Variants in POTEF observed in about 807,000 individuals in gnomAD.
POTEF encodes the protein ANKRD26-like family C member 1B.
POTEF carries 20 observed loss-of-function variants against 83.2 expected under a neutral mutation model. The ratio of observed to expected loss-of-function variants is 0.24; its 90% CI spans 0.17 to 0.35. The LOEUF (loss-of-function observed/expected upper bound fraction) is 0.35. Ranked by LOEUF, POTEF falls within the 10% of genes least tolerant of loss-of-function variation. The pLI is 1.00. For missense variants in POTEF, 550 were observed against 1,203.2 expected, an observed-to-expected ratio of 0.46 and a Z score of 8.03; for synonymous variants, 196 against 446.4, an observed-to-expected ratio of 0.44 and a Z score of 7.07.
intron 3 of POTEF, among the ~76,000 whole-genome samples, chr2:130,119,256 C>G (rs1471657164): frequency 6.6e-6 from 1 of 151,534 alleles, no homozygotes; most frequent in Admixed American, 6.6e-5. Flanking sequence ...CTCCACCTCC[C>G]GGGTTCACGC....
At chr2:130,127,534 G>C (rs146066954) in intron 2 of POTEF, among the ~76,000 whole-genome samples, 175 bp downstream of exon 2, 1,927 of 149,370 alleles carry the variant, frequency 0.013, 47 homozygotes, top group African/African-American at 0.046. Flanking sequence ...CAGCAGGTTC[G>C]TCCCCACCCC....
chr2:130,121,149 T>C (rs1684994930), intron 2 of POTEF, among the ~76,000 whole-genome samples: 1 of 145,558 alleles, frequency 6.9e-6, no homozygotes, highest in African/African-American at 2.8e-5. Flanking sequence ...GCGGCGTGCT[T>C]ATCTCAGGTG....
chr2:130,105,412 T>G (rs1684496375), intron 8 of POTEF, among the ~76,000 whole-genome samples: 1 of 151,684 alleles, frequency 6.6e-6, no homozygotes, highest in Non-Finnish European at 1.5e-5. Flanking sequence ...CAAGGATGTA[T>G]GACAAGGAAA....
chr2:130,093,273 ATAATAATATAAAG>A (rs1406920010), intron 12 of POTEF, among the ~76,000 whole-genome samples, 152 bp downstream of exon 12: 1 of 93,802 alleles, frequency 1.1e-5, no homozygotes, highest in African/African-American at 4.9e-5. Context: ...TTACAATGTA[ATAATAATATAAAG>A]TAGCACAATA....
intron 8 of POTEF, among the ~76,000 whole-genome samples, chr2:130,105,265 A>T (rs1241235677): frequency 1.3e-5 from 2 of 151,594 alleles, no homozygotes; most frequent in African/African-American, 2.4e-5. Flanking sequence ...TACATAAAAA[A>T]AATTAAGCAA....
At chr2:130,109,724 C>T (rs2104814049) in intron 7 of POTEF, 1 of 151,084 alleles carries the variant, frequency 6.6e-6, no homozygotes, top group South Asian at 2.1e-4. Flanking sequence ...AGACCAACAA[C>T]AGCCTCAAAG....
At position 130,120,162 on chromosome 2, in the gene POTEF, G is replaced by A. The variant is rs747331658; in HGVS notation, c.354C>T (p.Gly118=). 1.5e-5 allele frequency: 24 copies of A among 1,608,938 alleles called. No individual in the cohort carries two copies. Among genetic ancestry groups the A allele is most frequent in the Admixed American group, 8.4e-5 (5 of 59,528 alleles). ...CCRGSSKSKV[G]AWGDYDDSAF... ...CACTGTCATCGTAGTCTCCCCAAGCGCCCACCTTGCTCTTGCTGCTCCCCC... is the reference window on the plus strand; with the variant it reads ...CACTGTCATCGTAGTCTCCCCAAGCACCCACCTTGCTCTTGCTGCTCCCCC... The change falls in exon 3 of 17, where the codon GGC becomes GGT. Residue 118 remains glycine, a synonymous_variant. Transcript: ENST00000409914.
intron 3 of POTEF, among the ~76,000 whole-genome samples, chr2:130,118,104 C>A (rs2104825033): frequency 6.6e-6 from 1 of 151,826 alleles, no homozygotes; most frequent in African/African-American, 2.4e-5. Flanking sequence ...CCATGCCCAG[C>A]TAATTTTTTG....
rs199947681 is a variant in POTEF at position 130,074,261 on chromosome 2, G to A, written c.3211C>T (p.His1071Tyr). 5,499 of 1,608,556 alleles carry A rather than the reference G, an allele frequency of 3.4e-3. 415 individuals are homozygous for A. The African/African-American group carries it at 0.067, about 20-fold the overall frequency. The change falls in exon 17 of 17, where the codon CAC becomes TAC. Residue 1071 changes from histidine (H) to tyrosine (Y), a missense_variant. Transcript: ENST00000409914. ...GAGTCCACCTACAAGCATTTGCGGT[G>A]GACAATGGAGGGGCCTGACTCATCA... Reference protein sequence around the residue: ...EYDESGPSIVHRKCL With the variant: ...EYDESGPSIVYRKCL
intron 3 of POTEF, among the ~76,000 whole-genome samples, chr2:130,118,333 G>A (rs1684894700): frequency 6.6e-6 from 1 of 151,830 alleles, no homozygotes; most frequent in Non-Finnish European, 1.5e-5. Flanking sequence ...CTTTTCCTAT[G>A]TGCATAGGTC....
chr2:130,120,757 G>A, intron 2 of POTEF, 149 bp from the exon 3 acceptor site: 1 of 777,482 alleles, frequency 1.3e-6, no homozygotes, highest in South Asian at 1.9e-5. Flanking sequence ...CCCAGAAAGG[G>A]CCAACCCCCG....
At chr2:130,125,880 TG>T (rs1254291789) in intron 2 of POTEF, among the ~76,000 whole-genome samples, 1 of 148,978 alleles carries the variant, frequency 6.7e-6, no homozygotes, top group African/African-American at 2.5e-5. Flanking sequence ...TACTACAGCC[TG>T]GGGGACAAGA....
Position 130,120,594 on chromosome 2 carries a change from C to A in POTEF, c.-79G>T. ...ACCAGTTTCACCAACTAGCAGGTAA[C>A]TCCGGGTTTCCAATCTGTTTGAAGA... On this transcript the variant is annotated 5_prime_UTR_variant, in exon 3 of 17. Transcript: ENST00000409914. The A allele has an allele frequency of 6.3e-7, 1 of 1,598,460 alleles. No individual in the cohort carries two copies. Among genetic ancestry groups the A allele is most frequent in the East Asian group, 2.2e-5 (1 of 44,710 alleles).
At chr2:130,087,580 C>T (rs1157200323) in intron 13 of POTEF, among the ~76,000 whole-genome samples, 2 of 85,602 alleles carry the variant, frequency 2.3e-5, no homozygotes, top group Non-Finnish European at 4.4e-5. Context: ...ATTGATTCTT[C>T]TGTTAATAAG....
chr2:130,104,486 G>C (rs1455131543), intron 8 of POTEF, among the ~76,000 whole-genome samples: 488 of 149,184 alleles, frequency 3.3e-3, no homozygotes, highest in African/African-American at 0.012. Flanking sequence ...TTGTTTAAAG[G>C]AAGAACACAA....
rs1156920082 is a variant in POTEF, at chr2:130,075,106, G to A, written c.2366C>T (p.Thr789Ile). 1.2e-6 allele frequency: 2 copies of A among 1,613,764 alleles called. No homozygotes were observed. Among genetic ancestry groups the A allele is most frequent in the Non-Finnish European group, 1.7e-6 (2 of 1,179,956 alleles). Reference sequence around the variant, plus strand: ...AGCCACACGCAGCTCGTTGTAGAAGGTGTGGTGCCAGATCTTCTCCATGTC... The same window carrying A: ...AGCCACACGCAGCTCGTTGTAGAAGATGTGGTGCCAGATCTTCTCCATGTC... ...WDDMEKIWHHTFYNELRVAPE... is the reference protein window; with the variant it reads ...WDDMEKIWHHIFYNELRVAPE... Residue 789 changes from threonine to isoleucine, a missense_variant, in exon 17 of 17, where the codon ACC becomes ATC. Physicochemically the swap from Thr to Ile is moderately conservative, Grantham distance 89 (BLOSUM62 -1). Coordinates refer to ENST00000409914, the MANE Select transcript of POTEF (RefSeq NM_001099771.2).
intron 3 of POTEF, among the ~76,000 whole-genome samples, 176 bp downstream of exon 3, chr2:130,119,818 GT>G (rs1331430767): frequency 7.4e-6 from 1 of 135,178 alleles, no homozygotes; most frequent in Non-Finnish European, 1.6e-5. Flanking sequence ...CTAAAGTTTT[GT>G]TTTTGTGTTG....
chr2:130,110,028 G>C, intron 7 of POTEF, among the ~76,000 whole-genome samples: 1 of 151,456 alleles, frequency 6.6e-6, no homozygotes, highest in Admixed American at 6.6e-5. Context: ...CCACAAAGCA[G>C]CAACAGAATC....
Position 130,104,084 on chromosome 2 carries a change from A to G in POTEF, c.1127-1904T>C, listed in dbSNP as rs187970434. ...CAATATTCCTACTGAACAATTATTCATTAAGACAAGGTGACAGATAGCTCA... is the reference window on the plus strand; with the variant it reads ...CAATATTCCTACTGAACAATTATTCGTTAAGACAAGGTGACAGATAGCTCA... On this transcript the variant is annotated intron_variant, in intron 8 of 16. Coordinates refer to ENST00000409914, the MANE Select transcript of POTEF (RefSeq NM_001099771.2). Among the ~76,000 whole-genome samples the G allele has an allele frequency of 3.7e-3, 541 of 147,902 alleles. 4 individuals are homozygous for G. Among genetic ancestry groups the G allele is most frequent in the African/African-American group, 0.014 (508 of 37,452 alleles).
Sources: allele counts gnomAD v4.1 joint callset (sites outside exome capture counted in the v4.1 genomes callset), GRCh38; gene constraint gnomAD v4.1.1; transcripts MANE v1.5; gene names NCBI Gene and HGNC (gene_info 2026-07-23, HGNC 2026-07-21).